MALRD1: variants seen among roughly 807,000 people sequenced by gnomAD.
MALRD1 encodes the protein MAM and LDL receptor class A domain containing 1.
Under a neutral mutation model 242.1 loss-of-function variants are expected in MALRD1, and 247 were observed. That is an observed-to-expected ratio of 1.02 (90% CI 0.92 to 1.13). MALRD1 has a LOEUF of 1.13. Among genes scored for constraint, MALRD1 ranks in the 50% most tolerant of loss-of-function variants. MALRD1 has a pLI of 0.00. For synonymous variants in MALRD1, 995 were observed against 866.6 expected, an observed-to-expected ratio of 1.15 and a Z score of -2.60; for missense variants, 2,989 against 2,533.1, an observed-to-expected ratio of 1.18 and a Z score of -3.86.
intron 35 of MALRD1, among the ~76,000 whole-genome samples, chr10:19,612,978 T>C (rs968105831): frequency 1.3e-5 from 2 of 152,030 alleles, no homozygotes; most frequent in African/African-American, 4.8e-5. Context: ...TACTCTCTCA[T>C]GCCACCCTTT....
intron 29 of MALRD1, among the ~76,000 whole-genome samples, chr10:19,478,190 G>A (rs1012591938): frequency 1.3e-5 from 2 of 152,112 alleles, no homozygotes; most frequent in African/African-American, 2.4e-5. Flanking sequence ...TCCTTACTGC[G>A]CATTATTGTT....
intron 28 of MALRD1, among the ~76,000 whole-genome samples, chr10:19,413,956 A>T (rs1358007594): frequency 7.5e-6 from 1 of 132,670 alleles, no homozygotes; most frequent in Non-Finnish European, 1.7e-5. Context: ...GTCTCAAAAA[A>T]ACAAAAACCA....
chr10:19,668,837 A>C (rs1589380200), intron 36 of MALRD1, among the ~76,000 whole-genome samples: 1 of 152,316 alleles, frequency 6.6e-6, no homozygotes, highest in East Asian at 1.9e-4. Flanking sequence ...GTCAATTCAG[A>C]GGGTTCAATA....
At chr10:19,610,159 A>G (rs1374566344) in intron 35 of MALRD1, among the ~76,000 whole-genome samples, 1 of 151,978 alleles carries the variant, frequency 6.6e-6, no homozygotes, top group Non-Finnish European at 1.5e-5. Context: ...TACAGTTTGT[A>G]TAATAATCAA....
At chr10:19,603,406 C>G (rs377439724) in intron 34 of MALRD1, among the ~76,000 whole-genome samples, 1 of 152,120 alleles carries the variant, frequency 6.6e-6, no homozygotes, top group South Asian at 2.1e-4. Context: ...TCAGCTTTCT[C>G]CATATGGCTA....
At chr10:19,113,859 T>C (rs1173137756) in intron 5 of MALRD1, among the ~76,000 whole-genome samples, 1 of 148,578 alleles carries the variant, frequency 6.7e-6, no homozygotes, top group Non-Finnish European at 1.5e-5. Context: ...ACATGTGTAT[T>C]GATTTATCTC....
Position 19,229,287 on chromosome 10 carries a change from AT to A in MALRD1, c.2991+19616del, listed in dbSNP as rs376595070. Among the ~76,000 whole-genome samples the A allele has an allele frequency of 2.9e-3, 443 of 151,598 alleles. 1 individual carries two copies. Among genetic ancestry groups the A allele is most frequent in the African/African-American group, 0.01 (421 of 41,352 alleles). ...ATTTCTAGAGGAAAATTATAGCTTTATTTTTTTTTCCTGAAATGTTTTGAGG... is the reference window on the plus strand; with the variant it reads ...ATTTCTAGAGGAAAATTATAGCTTTATTTTTTTTCCTGAAATGTTTTGAGG... On this transcript the variant is annotated intron_variant, in intron 18 of 39. Transcript: ENST00000454679.
chr10:19,468,940 T>A (rs1311045268), intron 29 of MALRD1, among the ~76,000 whole-genome samples: 1 of 152,058 alleles, frequency 6.6e-6, no homozygotes, highest in African/African-American at 2.4e-5. Flanking sequence ...TCCTCTTAAT[T>A]TTTTTAATAA....
rs180704106 is a variant in MALRD1, at chr10:19,587,088, C to T, written c.5681-8106C>T. Among the ~76,000 whole-genome samples the T allele has an allele frequency of 5.0e-3, 763 of 152,292 alleles. 2 individuals carry two copies. The highest frequency in any genetic ancestry group is 0.013 in the African/African-American group (532 of 41,570). ...CAATGCCTCGCCCTGCTTCGGCTCGCGCACGGTGCATGCACCCACTGACCT... is the reference window on the plus strand; with the variant it reads ...CAATGCCTCGCCCTGCTTCGGCTCGTGCACGGTGCATGCACCCACTGACCT... On this transcript the variant is annotated intron_variant, in intron 33 of 39. Coordinates refer to ENST00000454679, the MANE Select transcript of MALRD1 (RefSeq NM_001142308.3).
chr10:19,085,989 C>T (rs1333707394), intron 2 of MALRD1, among the ~76,000 whole-genome samples: 1 of 151,940 alleles, frequency 6.6e-6, no homozygotes, highest in Non-Finnish European at 1.5e-5. Flanking sequence ...TGATTAGTCA[C>T]TTGCTTAACA....
intron 32 of MALRD1, among the ~76,000 whole-genome samples, chr10:19,563,816 A>C (rs577819197): frequency 3.5e-4 from 54 of 152,314 alleles, no homozygotes; most frequent in African/African-American, 1.3e-3. Context: ...CCTCCAAATC[A>C]TATTGAGGTG....
intron 29 of MALRD1, among the ~76,000 whole-genome samples, chr10:19,485,621 C>T (rs887401822): frequency 1.4e-5 from 2 of 145,614 alleles, no homozygotes; most frequent in African/African-American, 2.6e-5. Context: ...CCAGCCTGGG[C>T]GACAGAGCAA....
chr10:19,430,111 C>CCTTT (rs1285347677), intron 28 of MALRD1, among the ~76,000 whole-genome samples: 1 of 83,494 alleles, frequency 1.2e-5, no homozygotes, highest in African/African-American at 4.9e-5. Context: ...CTCCATTTTC[C>CCTTT]TTTTTTTTTT....
chr10:19,347,457 A>G (rs1844182901), intron 24 of MALRD1, among the ~76,000 whole-genome samples: 1 of 152,202 alleles, frequency 6.6e-6, no homozygotes, highest in Non-Finnish European at 1.5e-5. Flanking sequence ...CCTGAGAAGC[A>G]TAGATGAGAA....
intron 32 of MALRD1, among the ~76,000 whole-genome samples, chr10:19,538,866 T>C (rs1363787306): frequency 6.6e-6 from 1 of 152,236 alleles, no homozygotes; most frequent in Non-Finnish European, 1.5e-5. Flanking sequence ...CGGAAACCGA[T>C]AGTTCGTATT....
In MALRD1 at chr10:19,266,442, A is replaced by G. The variant is rs1421404321; in HGVS notation, c.3079+8671A>G. 7.2e-5 allele frequency among the ~76,000 whole-genome samples: 11 copies of G among 151,956 alleles called. No individual in the cohort carries two copies. In the East Asian group the frequency reaches 2.1e-3, roughly 29 times the overall value. On this transcript the variant is annotated intron_variant, in intron 19 of 39. Transcript: ENST00000454679. ...TAAAAACCAGCTTATAGTTACAACGATTCATTTTAAGCTGATAAAAACTTA... is the reference window on the plus strand; with the variant it reads ...TAAAAACCAGCTTATAGTTACAACGGTTCATTTTAAGCTGATAAAAACTTA...
At chr10:19,421,471 G>A (rs1420483715) in intron 28 of MALRD1, among the ~76,000 whole-genome samples, 2 of 152,180 alleles carry the variant, frequency 1.3e-5, no homozygotes, top group African/African-American at 4.8e-5. Flanking sequence ...AGAGGCTGCA[G>A]TGAAGTAAGT....
At chr10:19,615,948 T>C (rs371742484) in intron 36 of MALRD1, 25 bp downstream of exon 36, 2 of 1,484,374 alleles carry the variant, frequency 1.3e-6, no homozygotes, top group Non-Finnish European at 1.8e-6. Context: ...TTAATTTTTT[T>C]TTTTAAGATT....
At chr10:19,410,394 C>G (rs1005405044) in intron 28 of MALRD1, among the ~76,000 whole-genome samples, 2 of 152,124 alleles carry the variant, frequency 1.3e-5, no homozygotes, top group Non-Finnish European at 2.9e-5. Context: ...GTCTAGAAAA[C>G]AGTCATTTTT....
Sources: allele counts gnomAD v4.1 joint callset (sites outside exome capture counted in the v4.1 genomes callset), GRCh38; gene constraint gnomAD v4.1.1; transcripts MANE v1.5; gene names NCBI Gene and HGNC (gene_info 2026-07-23, HGNC 2026-07-21).